Variants in YAE1 observed in about 807,000 individuals in gnomAD.
The protein encoded by YAE1 is protein YAE1 homolog.
Under a neutral mutation model 23.0 loss-of-function variants are expected in YAE1, and 22 were observed. That is an observed-to-expected ratio of 0.96 (90% CI 0.68 to 1.37). The LOEUF (loss-of-function observed/expected upper bound fraction) is 1.37. Among genes scored for constraint, YAE1 ranks in the 40% most tolerant of loss-of-function variants. The probability of loss-of-function intolerance (pLI) is 0.00; values close to 1 mark genes in which losing one functional copy is unlikely to be tolerated. For missense variants in YAE1, 260 were observed against 262.1 expected (o/e 0.99, Z 0.06); for synonymous variants, 101 against 97.0 (o/e 1.04, Z -0.24).
chr7:39,587,868 C>T (rs1323437099), intron 2 of YAE1, among the ~76,000 whole-genome samples: 2 of 152,000 alleles, frequency 1.3e-5, no homozygotes, highest in Non-Finnish European at 2.9e-5. Flanking sequence ...GTCTAAAAAC[C>T]CTGCTTTAAA....
chr7:39,602,017 T>C (rs1262528468), intron 2 of YAE1, among the ~76,000 whole-genome samples: 1 of 152,150 alleles, frequency 6.6e-6, no homozygotes, highest in Non-Finnish European at 1.5e-5. Context: ...AAAAAATGAA[T>C]GGATTAAGAG....
At chr7:39,602,797 G>A (rs1001317922) in intron 2 of YAE1, among the ~76,000 whole-genome samples, 1 of 152,212 alleles carries the variant, frequency 6.6e-6, no homozygotes, top group African/African-American at 2.4e-5. Flanking sequence ...CATCCAGGCT[G>A]GAGTGCCGTG....
intron 2 of YAE1, among the ~76,000 whole-genome samples, chr7:39,596,808 A>C (rs1464726871): frequency 6.6e-6 from 1 of 152,174 alleles, no homozygotes; most frequent in African/African-American, 2.4e-5. Flanking sequence ...ACCTAGAATA[A>C]AATAGATACT....
chr7:39,609,508 T>C (rs1440232610), intron 2 of YAE1: 2 of 1,406,472 alleles, frequency 1.4e-6, no homozygotes, highest in South Asian at 1.4e-5. Flanking sequence ...ATCTTCGTTA[T>C]AAGTTTATCA....
chr7:39,584,672 G>A (rs1051628632), intron 2 of YAE1, among the ~76,000 whole-genome samples: 1 of 152,076 alleles, frequency 6.6e-6, no homozygotes, highest in African/African-American at 2.4e-5. Flanking sequence ...CTTTTATACA[G>A]GGATGGTCCA....
At position 39,566,432 on chromosome 7, in the gene YAE1, A is replaced by G. The variant is rs1238923387; in HGVS notation, c.14A>G (p.Gln5Arg). 1.3e-5 allele frequency: 21 copies of G among 1,613,994 alleles called. No homozygotes were observed. The highest frequency in any genetic ancestry group is 1.4e-5 in the Non-Finnish European group (17 of 1,179,982). Residue 5 changes from glutamine (Q) to arginine (R), a missense_variant, in exon 1 of 3, where the codon CAA becomes CGA. By Grantham distance (43) the Gln-to-Arg change is conservative. Transcript: ENST00000223273. ...ATTGCCTCGGTGATGTCGTGGGTTC[A>G]AGCAGCCTCCTTGATCCAGGGCCCT... MSWV[Q>R]AASLIQGPGD...
rs576612245 is a variant in YAE1, at chr7:39,604,486, C to A, written c.252-5131C>A. ...TTTTAGGTATGTAGTGTGACCTCCA[C>A]TGATATTTGAGTCTCAAGGAAAACA... On this transcript the variant is annotated intron_variant, in intron 2 of 2. Coordinates refer to the YAE1 transcript ENST00000432096. 7.2e-5 allele frequency among the ~76,000 whole-genome samples: 11 copies of A among 152,252 alleles called. No homozygotes were observed. The East Asian group carries it at 2.1e-3, about 29-fold the overall frequency.
chr7:39,595,475 A>T (rs1790961521), intron 2 of YAE1, among the ~76,000 whole-genome samples: 1 of 152,188 alleles, frequency 6.6e-6, no homozygotes, highest in Non-Finnish European at 1.5e-5. Flanking sequence ...CCACACAGTC[A>T]ACTCAGTCAA....
downstream of YAE1, chr7:39,572,925 C>G: frequency 8.9e-7 from 1 of 1,129,306 alleles, no homozygotes; most frequent in Non-Finnish European, 1.1e-6. Flanking sequence ...AAGATATGGT[C>G]AGAAATTTCT....
At chr7:39,588,250 G>GT (rs1790848790) in intron 2 of YAE1, among the ~76,000 whole-genome samples, 3 of 152,186 alleles carry the variant, frequency 2.0e-5, no homozygotes, top group Admixed American at 2.0e-4. Flanking sequence ...GGTGGCTCAC[G>GT]CCTGTAATCC....
In YAE1 at chr7:39,585,152, C is replaced by T. The variant is rs116558943; in HGVS notation, c.251+14525C>T. Among the ~76,000 whole-genome samples the T allele has an allele frequency of 6.0e-3, 907 of 152,264 alleles. 11 individuals are homozygous for T. Among genetic ancestry groups the T allele is most frequent in the African/African-American group, 0.021 (871 of 41,550 alleles). ...GTGCTTCAGTTATTACTATCAGGTA[C>T]GTCTGCCATATGGGCTTCTAGTAAA... On this transcript the variant is annotated intron_variant, in intron 2 of 2. Transcript: ENST00000432096.
At chr7:39,605,201 C>T (rs1455349614) in intron 2 of YAE1, among the ~76,000 whole-genome samples, 4 of 152,124 alleles carry the variant, frequency 2.6e-5, no homozygotes, top group Non-Finnish European at 4.4e-5. Flanking sequence ...GTCAAAGTGA[C>T]TTTGTAACCA....
At chr7:39,592,542 A>T (rs1201156657) in intron 2 of YAE1, among the ~76,000 whole-genome samples, 1 of 152,246 alleles carries the variant, frequency 6.6e-6, no homozygotes, top group Non-Finnish European at 1.5e-5. Flanking sequence ...AAAAATGCAC[A>T]TACTACCACC....
intron 1 of YAE1, among the ~76,000 whole-genome samples, chr7:39,568,651 C>T (rs1190274605): frequency 1.3e-5 from 2 of 152,128 alleles, no homozygotes; most frequent in Non-Finnish European, 2.9e-5. Context: ...ATGCTGTTTA[C>T]TAAATCATAA....
At chr7:39,607,789 C>T (rs917962610) in intron 2 of YAE1, among the ~76,000 whole-genome samples, 3 of 152,224 alleles carry the variant, frequency 2.0e-5, no homozygotes, top group Non-Finnish European at 4.4e-5. Flanking sequence ...CTGCCTCAGC[C>T]TCCTGAGTAG....
intron 1 of YAE1, chr7:39,569,614 C>A: frequency 1.6e-6 from 1 of 613,914 alleles, no homozygotes. Context: ...ATACAGAGTC[C>A]TAGTAACAGT....
chr7:39,606,023 AC>A (rs1226955597), intron 2 of YAE1, among the ~76,000 whole-genome samples: 1 of 151,256 alleles, frequency 6.6e-6, no homozygotes, highest in Non-Finnish European at 1.5e-5. Flanking sequence ...CTTTTGCCCT[AC>A]CCCCAAGAAT....
At chr7:39,600,986 C>T (rs74745932) in intron 2 of YAE1, among the ~76,000 whole-genome samples, 1 of 152,126 alleles carries the variant, frequency 6.6e-6, no homozygotes, top group African/African-American at 2.4e-5. Flanking sequence ...TATGGCAACC[C>T]TACCAAACTA....
chr7:39,605,142 G>C (rs1791110467), intron 2 of YAE1, among the ~76,000 whole-genome samples: 1 of 152,156 alleles, frequency 6.6e-6, no homozygotes, highest in Non-Finnish European at 1.5e-5. Flanking sequence ...TGACCATCTA[G>C]CAGCAATGTT....
Sources: gnomAD v4.1 joint callset for allele counts (sites outside exome capture counted in the v4.1 genomes callset) on GRCh38, gnomAD v4.1.1 for gene constraint, MANE v1.5 for transcripts, NCBI Gene and HGNC (gene_info 2026-07-23, HGNC 2026-07-21) for gene names.